Variants in NME7 observed in about 807,000 individuals in gnomAD.
NME7 encodes NME/NM23 family member 7, also known as nucleoside diphosphate kinase 7.
In NME7, 41 loss-of-function variants were observed where a neutral mutation model predicts 49.1. The observed-to-expected ratio is 0.83, with a 90% confidence interval of 0.65 to 1.08. NME7 has a LOEUF of 1.08. NME7 is among the 50% of genes least tolerant of loss of function. The probability of loss-of-function intolerance (pLI) is 0.00; values close to 1 mark genes in which losing one functional copy is unlikely to be tolerated. For synonymous variants in NME7, 139 were observed against 150.6 expected (o/e 0.92, Z 0.56); for missense variants, 423 against 463.4 (o/e 0.91, Z 0.80).
intron 7 of NME7, chr1:169,246,940 T>C: frequency 2.3e-6 from 1 of 436,010 alleles, no homozygotes; most frequent in Non-Finnish European, 4.5e-6. Context: ...CTGAAATTCA[T>C]CAAGATGCAA....
At chr1:169,232,239 A>G (rs1647652636) in intron 9 of NME7, among the ~76,000 whole-genome samples, 1 of 152,206 alleles carries the variant, frequency 6.6e-6, no homozygotes, top group African/African-American at 2.4e-5. Flanking sequence ...ATAAATTTGA[A>G]GACATTCAAT....
In NME7 at chr1:169,351,854, A is replaced by C. The variant is rs192183494; in HGVS notation, c.3+15854T>G. ...ATCAAAAACTTCCTACACACATAAA[A>C]CCTACCAAGATTGAACTGGGAAGAA... On this transcript the variant is annotated intron_variant, in intron 1 of 11. Transcript: ENST00000367811. 5.1e-4 allele frequency among the ~76,000 whole-genome samples: 77 copies of C among 152,114 alleles called. 2 individuals are homozygous for C. In the East Asian group the frequency reaches 0.012, roughly 24 times the overall value.
chr1:169,184,011 A>C (rs1660000988), intron 10 of NME7, among the ~76,000 whole-genome samples: 1 of 151,974 alleles, frequency 6.6e-6, no homozygotes, highest in South Asian at 2.1e-4. Flanking sequence ...CTTTTTTGAA[A>C]AGAAAAACTT....
At chr1:169,176,850 CA>C (rs1328137772) in intron 10 of NME7, among the ~76,000 whole-genome samples, 1 of 152,054 alleles carries the variant, frequency 6.6e-6, no homozygotes, top group African/African-American at 2.4e-5. Flanking sequence ...GCAAAAACTA[CA>C]AAGATTCACA....
intron 11 of NME7, among the ~76,000 whole-genome samples, chr1:169,146,892 T>A (rs1345394826): frequency 6.6e-6 from 1 of 152,232 alleles, no homozygotes; most frequent in African/African-American, 2.4e-5. Flanking sequence ...GAGGAGAAAG[T>A]ACTTGTGATT....
chr1:169,145,850 C>T (rs1658731449), intron 11 of NME7, among the ~76,000 whole-genome samples: 1 of 152,090 alleles, frequency 6.6e-6, no homozygotes, highest in Non-Finnish European at 1.5e-5. Flanking sequence ...CAGTGCATAC[C>T]ACAAGAGATG....
intron 10 of NME7, among the ~76,000 whole-genome samples, chr1:169,196,881 C>T (rs988434147): frequency 2.0e-5 from 3 of 152,086 alleles, no homozygotes; most frequent in Non-Finnish European, 4.4e-5. Flanking sequence ...AGGATGCAGT[C>T]CTCTTGTATA....
intron 7 of NME7, among the ~76,000 whole-genome samples, chr1:169,241,011 C>T (rs1427592278): frequency 6.6e-6 from 1 of 152,050 alleles, no homozygotes; most frequent in Non-Finnish European, 1.5e-5. Flanking sequence ...GTCAGTCATT[C>T]TTTCAAGTAA....
intron 7 of NME7, among the ~76,000 whole-genome samples, chr1:169,246,486 G>A (rs1189473552): frequency 1.3e-5 from 2 of 152,126 alleles, no homozygotes; most frequent in Non-Finnish European, 2.9e-5. Context: ...ATAGATTTCT[G>A]ATCCTCCACT....
chr1:169,281,662 AG>A (rs1397801403), intron 7 of NME7, among the ~76,000 whole-genome samples: 5 of 152,168 alleles, frequency 3.3e-5, no homozygotes, highest in Admixed American at 6.5e-5. Context: ...TTTAGCATGA[AG>A]GGGTGCTGAA....
At chr1:169,317,660 G>A (rs912945254) in intron 3 of NME7, among the ~76,000 whole-genome samples, 4 of 152,056 alleles carry the variant, frequency 2.6e-5, no homozygotes, top group East Asian at 1.9e-4. Context: ...TTGAGGGAAA[G>A]GTTTCCCAAA....
At chr1:169,336,281 T>C (rs907811835) in intron 1 of NME7, among the ~76,000 whole-genome samples, 1 of 151,910 alleles carries the variant, frequency 6.6e-6, no homozygotes, top group Admixed American at 6.6e-5. Context: ...GAGTGAGCAG[T>C]AGCAAGATTT....
At chr1:169,242,372 A>G (rs530872526) in intron 7 of NME7, among the ~76,000 whole-genome samples, 19 of 152,170 alleles carry the variant, frequency 1.2e-4, no homozygotes, top group Non-Finnish European at 2.6e-4. Context: ...TTGAAAATAT[A>G]CAGCACTCAT....
chr1:169,269,372 A>AC (rs1649416247), intron 7 of NME7, among the ~76,000 whole-genome samples: 1 of 133,990 alleles, frequency 7.5e-6, no homozygotes, highest in South Asian at 2.3e-4. Flanking sequence ...AAAACTCCAA[A>AC]ATGGTGACAT....
intron 3 of NME7, among the ~76,000 whole-genome samples, chr1:169,312,899 T>C (rs1171887797): frequency 6.6e-6 from 1 of 152,188 alleles, no homozygotes; most frequent in East Asian, 1.9e-4. Context: ...CTTAAGTAAA[T>C]ATTCTATTCT....
intron 10 of NME7, among the ~76,000 whole-genome samples, chr1:169,218,642 A>G (rs1185301422): frequency 6.7e-6 from 1 of 148,970 alleles, no homozygotes; most frequent in African/African-American, 2.5e-5. Flanking sequence ...GCATTTAAAA[A>G]ATTTTTCCAA....
chr1:169,260,634 T>G (rs1649130367), intron 7 of NME7, among the ~76,000 whole-genome samples: 1 of 131,530 alleles, frequency 7.6e-6, no homozygotes, highest in Non-Finnish European at 1.8e-5. Context: ...GAGGAAACTC[T>G]TGTCTTCCTT....
At position 169,225,687 on chromosome 1, in the gene NME7, C is replaced by T. The variant is rs577619501; in HGVS notation, c.990+5031G>A. On this transcript the variant is annotated intron_variant, in intron 10 of 11. Coordinates refer to ENST00000367811, the MANE Select transcript of NME7 (RefSeq NM_013330.5). ...ATAGAAATTGCAAGTCTAATATTTC[C>T]CCCCTCCCTAATGAATTGTCTTGTG... 1.2e-3 allele frequency among the ~76,000 whole-genome samples: 181 copies of T among 151,980 alleles called. 5 individuals are homozygous for T. The South Asian group carries it at 0.037, about 31-fold the overall frequency.
intron 9 of NME7, among the ~76,000 whole-genome samples, chr1:169,232,404 G>A (rs1239048351): frequency 6.6e-6 from 1 of 151,988 alleles, no homozygotes; most frequent in Admixed American, 6.6e-5. Context: ...TTTAAAATAA[G>A]TGCTAAAAAC....
Sources: allele counts gnomAD v4.1 joint callset (sites outside exome capture counted in the v4.1 genomes callset), GRCh38; gene constraint gnomAD v4.1.1; transcripts MANE v1.5; gene names NCBI Gene and HGNC (gene_info 2026-07-23, HGNC 2026-07-21).